The following CPSF3 variants were observed in gnomAD, a reference collection of about 807,000 sequenced individuals.
The protein encoded by CPSF3 is cleavage and polyadenylation specific factor 3, also known as cleavage and polyadenylation specificity factor subunit 3.
A neutral mutation model predicts 84.1 loss-of-function variants in CPSF3; 57 were observed. The ratio of observed to expected loss-of-function variants is 0.68; its 90% CI spans 0.55 to 0.85. The LOEUF (loss-of-function observed/expected upper bound fraction) is 0.85. Among genes scored for constraint, CPSF3 ranks in the 40% least tolerant of loss-of-function variants. CPSF3 has a pLI of 0.00. For missense variants in CPSF3, 522 were observed against 838.8 expected (o/e 0.62, Z 4.66); for synonymous variants, 275 against 278.1 (o/e 0.99, Z 0.11).
At chr2:9,430,659 T>C in intron 3 of CPSF3, 93 bp from the exon 4 acceptor site, 1 of 1,234,624 alleles carries the variant, frequency 8.1e-7, no homozygotes, top group African/African-American at 1.5e-5. Context: ...GTTGTTTATA[T>C]AAAACTTGTT....
intron 1 of CPSF3, among the ~76,000 whole-genome samples, chr2:9,426,485 G>A (rs1160587814): frequency 6.6e-6 from 1 of 152,174 alleles, no homozygotes; most frequent in African/African-American, 2.4e-5. Flanking sequence ...TCACGTGTAT[G>A]TATTAAAGGT....
chr2:9,460,814 T>G (rs956286269), intron 15 of CPSF3, among the ~76,000 whole-genome samples: 1 of 152,032 alleles, frequency 6.6e-6, no homozygotes, highest in African/African-American at 2.4e-5. Flanking sequence ...ACCCAGCTCT[T>G]TACATGTTTT....
chr2:9,444,263 G>C (rs1430700723), intron 10 of CPSF3, among the ~76,000 whole-genome samples: 2 of 150,714 alleles, frequency 1.3e-5, no homozygotes, highest in African/African-American at 4.9e-5. Context: ...GAGTAACTGG[G>C]ATTACAGGTG....
chr2:9,470,182 A>G (rs1049376584), intron 16 of CPSF3, among the ~76,000 whole-genome samples: 7 of 152,236 alleles, frequency 4.6e-5, no homozygotes, highest in African/African-American at 1.4e-4. Context: ...AGATCGGGAC[A>G]CTGCACTCCA....
At chr2:9,430,171 ATGTCATCACAGGC>A in intron 3 of CPSF3, 151 bp downstream of exon 3, 1 of 553,550 alleles carries the variant, frequency 1.8e-6, no homozygotes, top group East Asian at 3.4e-5. Context: ...ACACTCCGTA[ATGTCATCACAGGC>A]TAGAGAAGTT....
chr2:9,428,696 AG>A (rs1680475768), intron 1 of CPSF3, 68 bp from the exon 2 acceptor site: 1 of 1,072,852 alleles, frequency 9.3e-7, no homozygotes, highest in Non-Finnish European at 1.4e-6. Flanking sequence ...ATTGTAAAAA[AG>A]TGTAAGTTTA....
intron 11 of CPSF3, among the ~76,000 whole-genome samples, chr2:9,448,619 C>T (rs763990617): frequency 5.3e-5 from 8 of 152,202 alleles, no homozygotes; most frequent in African/African-American, 7.2e-5. Flanking sequence ...TGCAATGGTG[C>T]GATCTCGGCT....
chr2:9,461,301 C>T (rs1265633678), intron 15 of CPSF3, among the ~76,000 whole-genome samples: 1 of 152,182 alleles, frequency 6.6e-6, no homozygotes, highest in Non-Finnish European at 1.5e-5. Context: ...AAGATTCTTA[C>T]ATGATGCTCA....
chr2:9,471,924 T>A (rs1256235137), intron 17 of CPSF3, among the ~76,000 whole-genome samples: 1 of 146,388 alleles, frequency 6.8e-6, no homozygotes, highest in Non-Finnish European at 1.5e-5. Flanking sequence ...GAGAATTGCT[T>A]GAAACAGGGA....
chr2:9,460,868 C>G (rs568523262), intron 15 of CPSF3, among the ~76,000 whole-genome samples: 25 of 152,124 alleles, frequency 1.6e-4, no homozygotes, highest in African/African-American at 6.0e-4. Context: ...GTGTGCTGTG[C>G]TGGGGGAAGT....
chr2:9,455,863 G>A, intron 13 of CPSF3, 106 bp downstream of exon 13: 1 of 766,930 alleles, frequency 1.3e-6, no homozygotes, highest in Non-Finnish European at 2.1e-6. Flanking sequence ...TCTCAGAATT[G>A]TGTAAGTTTT....
rs34127364 is a variant in CPSF3 at position 9,439,472 on chromosome 2, C to CAAAA, written c.761-1006_761-1003dup. ...TGGGCGACAGAGTGAGACTCCATCT[C>CAAAA]AAAAAAAAAAAAAAAAGAAATTACA... On this transcript the variant is annotated intron_variant, in intron 7 of 17. Transcript: ENST00000238112. Among the ~76,000 whole-genome samples, 67 of 104,166 alleles carry CAAAA rather than the reference C, an allele frequency of 6.4e-4. 1 individual carries two copies. The highest frequency in any genetic ancestry group is 2.6e-3 in the African/African-American group (64 of 24,448). The allele number at this position is 104,166 out of a possible 152,430, so 68.3% of individuals were successfully genotyped here.
chr2:9,434,643 C>T (rs1316183091), intron 6 of CPSF3, among the ~76,000 whole-genome samples: 4 of 152,188 alleles, frequency 2.6e-5, no homozygotes, highest in Non-Finnish European at 5.9e-5. Flanking sequence ...TATCCTCAGG[C>T]CCTTAGTCCA....
chr2:9,439,428 G>A lies in CPSF3; in HGVS notation c.761-1063G>A, dbSNP rs977542256. ...GCGGAACTTGCAGTGAGCGGAGATCGCGCCACTGCACTGCAGCCTGGGCGA... is the reference window on the plus strand; with the variant it reads ...GCGGAACTTGCAGTGAGCGGAGATCACGCCACTGCACTGCAGCCTGGGCGA... On this transcript the variant is annotated intron_variant, in intron 7 of 17. Transcript: ENST00000238112. Among the ~76,000 whole-genome samples, 10 of 148,822 alleles carry A rather than the reference G, an allele frequency of 6.7e-5. No individual in the cohort carries two copies. The East Asian group carries it at 1.6e-3, about 23-fold the overall frequency.
At chr2:9,441,537 G>A (rs7607741) in intron 8 of CPSF3, among the ~76,000 whole-genome samples, 24,969 of 152,222 alleles carry the variant, frequency 0.16, 2,243 homozygotes, top group Middle Eastern at 0.29. Context: ...CCTGCTAGGC[G>A]CTGAAGATGG....
chr2:9,462,825 G>GGGTAACCAT (rs1681776536), intron 15 of CPSF3, among the ~76,000 whole-genome samples: 1 of 152,194 alleles, frequency 6.6e-6, no homozygotes, highest in Non-Finnish European at 1.5e-5. Context: ...TTCAGCAGAG[G>GGGTAACCAT]TTCATTGCAG....
At chr2:9,461,451 T>G (rs188823402) in intron 15 of CPSF3, among the ~76,000 whole-genome samples, 1 of 152,104 alleles carries the variant, frequency 6.6e-6, no homozygotes, top group Admixed American at 6.5e-5. Flanking sequence ...TCCCTTAAGG[T>G]CAGGAGTCTG....
At chr2:9,458,331 G>A (rs1212594531) in intron 14 of CPSF3, among the ~76,000 whole-genome samples, 1 of 152,128 alleles carries the variant, frequency 6.6e-6, no homozygotes, top group Non-Finnish European at 1.5e-5. Flanking sequence ...TTGCATCTGG[G>A]AAACAGAGGT....
chr2:9,446,686 G>A (rs776228114), intron 10 of CPSF3, among the ~76,000 whole-genome samples: 191 of 152,044 alleles, frequency 1.3e-3, no homozygotes, highest in Admixed American at 3.0e-3. Context: ...GAACCCTCGA[G>A]GCAGAGGCTG....
Sources: gnomAD v4.1 joint callset for allele counts (sites outside exome capture counted in the v4.1 genomes callset) on GRCh38, gnomAD v4.1.1 for gene constraint, MANE v1.5 for transcripts, NCBI Gene and HGNC (gene_info 2026-07-23, HGNC 2026-07-21) for gene names.